The following CATSPERQ variants were observed in gnomAD, a reference collection of about 807,000 sequenced individuals.
CATSPERQ encodes cation channel sperm-associated auxiliary subunit theta.
At chr8:144,353,281 A>G in the CATSPERQ span, 2 of 1,443,986 alleles carry the variant, frequency 1.4e-6, no homozygotes, top group Non-Finnish European at 1.8e-6. Context: ...CTCACATTTG[A>G]TCTGCCCCAG....
the CATSPERQ span, chr8:144,353,484 A>G: frequency 1.6e-5 from 24 of 1,535,714 alleles, no homozygotes; most frequent in Admixed American, 2.9e-4. Flanking sequence ...GAAGTAGTTG[A>G]TGTTGAGTTT....
At chr8:144,354,119 C>T in the CATSPERQ span, 1 of 1,535,074 alleles carries the variant, frequency 6.5e-7, no homozygotes, top group Non-Finnish European at 8.7e-7. This position sits in a 1 kb window ranked among gnomAD's most constrained non-coding sequence, Gnocchi z 4.6. Flanking sequence ...ACGCCGTACA[C>T]GAGGAAGACC....
chr8:144,354,193 C>G, the CATSPERQ span: 1 of 1,544,480 alleles, frequency 6.5e-7, no homozygotes, highest in South Asian at 1.2e-5. The surrounding 1 kb of genome is among the most constrained non-coding windows in gnomAD (Gnocchi z 4.6). Flanking sequence ...GGGGCCGGCC[C>G]TCAGGGGAGG....
the CATSPERQ span, chr8:144,353,813 G>A: frequency 6.5e-7 from 1 of 1,535,564 alleles, no homozygotes; most frequent in Admixed American, 2.0e-5. Flanking sequence ...AGCACCAGGG[G>A]CTCCAACCTG....
chr8:144,354,158 G>A, the CATSPERQ span: 3 of 1,535,542 alleles, frequency 2.0e-6, no homozygotes, highest in Non-Finnish European at 2.6e-6. The surrounding 1 kb of genome is among the most constrained non-coding windows in gnomAD (Gnocchi z 4.6). Flanking sequence ...ACCTGCGGGC[G>A]CCACGCGGAG....
chr8:144,353,393 G>T, the CATSPERQ span: 3 of 1,535,636 alleles, frequency 2.0e-6, no homozygotes, highest in Non-Finnish European at 2.6e-6. Context: ...TGTGACCCAT[G>T]GGGCTCTTGC....
At chr8:144,354,555 T>TGCGCCC in the CATSPERQ span, 1 of 681,608 alleles carries the variant, frequency 1.5e-6, no homozygotes, top group Non-Finnish European at 2.2e-6. The surrounding 1 kb of genome is among the most constrained non-coding windows in gnomAD (Gnocchi z 4.6). Context: ...CCCGTCTCCC[T>TGCGCCC]CCTCCCCCGC....
the CATSPERQ span, chr8:144,354,388 G>A: frequency 6.7e-6 from 10 of 1,501,002 alleles, no homozygotes; most frequent in East Asian, 2.5e-5. The surrounding 1 kb of genome is among the most constrained non-coding windows in gnomAD (Gnocchi z 4.6). Context: ...CGGGGGTGGC[G>A]GTGCCAAGGC....
At chr8:144,353,957 C>A in the CATSPERQ span, 10 of 1,531,400 alleles carry the variant, frequency 6.5e-6, no homozygotes, top group East Asian at 2.0e-4. Flanking sequence ...CCGTTACCAT[C>A]GGAGCTGAGC....
the CATSPERQ span, chr8:144,354,165 G>C: frequency 7.5e-5 from 116 of 1,537,116 alleles, 1 homozygote; most frequent in Admixed American, 1.1e-3. The surrounding 1 kb of genome is among the most constrained non-coding windows in gnomAD (Gnocchi z 4.6). Flanking sequence ...GGCGCCACGC[G>C]GAGAGTCTGA....
chr8:144,353,491 G>A, the CATSPERQ span: 3 of 1,535,792 alleles, frequency 2.0e-6, no homozygotes, highest in South Asian at 1.2e-5. Flanking sequence ...TTGATGTTGA[G>A]TTTCCGGGCG....
the CATSPERQ span, chr8:144,354,610 C>T: frequency 3.3e-6 from 5 of 1,523,644 alleles, no homozygotes; most frequent in South Asian, 4.8e-5. This position sits in a 1 kb window ranked among gnomAD's most constrained non-coding sequence, Gnocchi z 4.6. Flanking sequence ...CCCAGCCTCG[C>T]GCGCACCGTT....
the CATSPERQ span, chr8:144,353,726 G>T: frequency 6.5e-7 from 1 of 1,530,038 alleles, no homozygotes. Flanking sequence ...ACCTTAAACA[G>T]TGATCGGTGT....
the CATSPERQ span, chr8:144,353,844 G>A: frequency 6.5e-7 from 1 of 1,535,272 alleles, no homozygotes; most frequent in East Asian, 2.4e-5. Context: ...GGACCAGGTG[G>A]AAGAAGCACC....
At chr8:144,354,207 G>A in the CATSPERQ span, 2 of 1,546,730 alleles carry the variant, frequency 1.3e-6, no homozygotes, top group Admixed American at 3.9e-5. The surrounding 1 kb of genome is among the most constrained non-coding windows in gnomAD (Gnocchi z 4.6). Flanking sequence ...GGGGAGGAGG[G>A]CGGTGGGGGT....
chr8:144,354,174 G>A, the CATSPERQ span: 3 of 1,539,732 alleles, frequency 1.9e-6, no homozygotes, highest in South Asian at 2.4e-5. The surrounding 1 kb of genome is among the most constrained non-coding windows in gnomAD (Gnocchi z 4.6). Flanking sequence ...CGGAGAGTCT[G>A]AGCGGCGCGG....
At chr8:144,353,525 T>C in the CATSPERQ span, 1 of 1,533,142 alleles carries the variant, frequency 6.5e-7, no homozygotes, top group East Asian at 2.4e-5. Flanking sequence ...AGTATTCCAT[T>C]TGCTGTGGGA....
chr8:144,354,558 T>TCCC, the CATSPERQ span: 7 of 504,394 alleles, frequency 1.4e-5, no homozygotes, highest in South Asian at 4.3e-5. The surrounding 1 kb of genome is among the most constrained non-coding windows in gnomAD (Gnocchi z 4.6). Flanking sequence ...GTCTCCCTCC[T>TCCC]CCCCCGCCCC....
At chr8:144,354,578 A>AAACCCCCCCCCC in the CATSPERQ span, 1 of 221,158 alleles carries the variant, frequency 4.5e-6, no homozygotes, top group Non-Finnish European at 7.0e-6. This position sits in a 1 kb window ranked among gnomAD's most constrained non-coding sequence, Gnocchi z 4.6. Context: ...CGCCCTTCCC[A>AAACCCCCCCCCC]GCCCCGCCCC....
Sources: gnomAD v4.1 joint callset for allele counts on GRCh38, gnomAD v4.1.1 for gene constraint, Gnocchi (gnomAD v3.1) non-coding constraint, MANE v1.5 for transcripts, NCBI Gene and HGNC (gene_info 2026-07-23, HGNC 2026-07-21) for gene names.